Variants in ULK1 observed in about 807,000 individuals in gnomAD.
ULK1 encodes the protein serine/threonine-protein kinase ULK1.
A neutral mutation model predicts 117.5 loss-of-function variants in ULK1; 48 were observed. The observed-to-expected ratio is 0.41, with a 90% CI of 0.32 to 0.52. The LOEUF (loss-of-function observed/expected upper bound fraction) is 0.52, where lower values mean the gene tolerates loss of function less well. ULK1 is among the 20% of genes least tolerant of loss of function. ULK1 has a pLI of 0.29. For synonymous variants in ULK1, 790 were observed against 637.8 expected, an observed-to-expected ratio of 1.24 and a Z score of -3.60; for missense variants, 1,387 against 1,473.4, an observed-to-expected ratio of 0.94 and a Z score of 0.96.
intron 19 of ULK1, 22 bp downstream of exon 19, chr12:131,916,181 G>T: frequency 6.2e-7 from 1 of 1,602,592 alleles, no homozygotes; most frequent in Non-Finnish European, 8.5e-7. Flanking sequence ...TGCCATGTGT[G>T]CAGGGGCACA....
At chr12:131,908,848 C>T (rs759903037) in intron 6 of ULK1, 31 bp downstream of exon 6, 15 of 1,605,708 alleles carry the variant, frequency 9.3e-6, no homozygotes, top group Non-Finnish European at 1.3e-5. Context: ...GCGGGCCCGG[C>T]GGGGAGGGGC....
At chr12:131,904,459 T>C (rs1387513643) in intron 3 of ULK1, among the ~76,000 whole-genome samples, 1 of 152,162 alleles carries the variant, frequency 6.6e-6, no homozygotes, top group African/African-American at 2.4e-5. Context: ...GGCCTTTGCC[T>C]TTCTAGGGGT....
intron 5 of ULK1, among the ~76,000 whole-genome samples, chr12:131,908,071 G>T (rs1889349942): frequency 1.3e-5 from 2 of 152,106 alleles, no homozygotes; most frequent in South Asian, 4.1e-4. Context: ...GACAGTTCCG[G>T]GGACTTGGGC....
Position 131,919,526 on chromosome 12 carries a change from C to T in ULK1, c.2739C>T (p.Gly913=). The T allele has an allele frequency of 2.5e-6, 4 of 1,612,230 alleles. No individual in the cohort carries two copies. The highest frequency in any genetic ancestry group is 3.4e-6 in the Non-Finnish European group (4 of 1,179,620). The part of the protein sequence containing the change: ...YLKVAELLSS[G]LQSAIDQIRA... ...AGGTGGCCGAGCTACTGTCCTCCGG[C>T]CTGCAAAGTGCCATCGACCAGATCC... Residue 913 remains glycine, a synonymous_variant, in exon 25 of 28, where the codon GGC becomes GGT. Coordinates refer to ENST00000321867, the MANE Select transcript of ULK1 (RefSeq NM_003565.4).
rs2136403653 is a variant in ULK1, at chr12:131,916,412, T to C, written c.1893T>C (p.Phe631=). ...LGSPTKAVPS[F]DFPKTPSSQN... ...TGTCCTCCTAGGCTGTGCCCTCCTT[T>C]GACTTCCCGAAGACCCCCAGCTCCC... Residue 631 remains phenylalanine, a synonymous_variant, in exon 20 of 28, where the codon TTT becomes TTC. Coordinates refer to ENST00000321867, the MANE Select transcript of ULK1 (RefSeq NM_003565.4). 6.3e-7 allele frequency: 1 copy of C among 1,587,270 alleles called. No homozygotes were observed. Among genetic ancestry groups the C allele is most frequent in the Non-Finnish European group, 8.6e-7 (1 of 1,166,946 alleles).
chr12:131,914,927 G>A (rs1175635979), intron 16 of ULK1, among the ~76,000 whole-genome samples, 156 bp from the exon 17 acceptor site: 1 of 152,208 alleles, frequency 6.6e-6, no homozygotes, highest in African/African-American at 2.4e-5. Flanking sequence ...TAGAGGATGA[G>A]CCATCTGTCA....
chr12:131,895,568 C>T (rs974553093), intron 1 of ULK1, 33 bp from the exon 2 acceptor site: 4 of 1,589,740 alleles, frequency 2.5e-6, no homozygotes, highest in Admixed American at 1.7e-5. Context: ...CGAGGGGCAG[C>T]CCTGGCCTTG....
chr12:131,908,846 G>A (rs1449655486), intron 6 of ULK1, 29 bp downstream of exon 6: 1 of 1,605,282 alleles, frequency 6.2e-7, no homozygotes, highest in Admixed American at 1.7e-5. Context: ...AGGCGGGCCC[G>A]GCGGGGAGGG....
In ULK1 at chr12:131,910,791, C is replaced by T. The variant is rs762661519; in HGVS notation, c.939C>T (p.Ala313=). The T allele has an allele frequency of 2.5e-6, 4 of 1,612,298 alleles. No individual in the cohort carries two copies. Residue 313 remains alanine, a synonymous_variant, in exon 12 of 28, where the codon GCC becomes GCT. Transcript: ENST00000321867. ...GCAGCAGCTCCACCTCCCACCTGGC[C>T]TCCCCGCCGGTGAGTTGCCGCCCCA... ...SSSSSSTSHL[A]SPPSLGEMQQ... is the part of the protein sequence containing the mutation.
At chr12:131,916,717 A>AGT in intron 20 of ULK1, 126 bp downstream of exon 20, 1 of 1,281,186 alleles carries the variant, frequency 7.8e-7, no homozygotes, top group Middle Eastern at 2.8e-4. Context: ...GTGGGTGCCC[A>AGT]GTGTGGCTGG....
intron 9 of ULK1, 30 bp downstream of exon 9, chr12:131,909,863 C>G (rs762590083): frequency 7.8e-5 from 125 of 1,610,460 alleles, no homozygotes; most frequent in Non-Finnish European, 1.0e-4. Flanking sequence ...CCCTTCCCTT[C>G]CCCCGCGGGC....
intron 11 of ULK1, 150 bp downstream of exon 11, chr12:131,910,454 T>C: frequency 7.3e-7 from 1 of 1,364,332 alleles, no homozygotes. Context: ...GGCTCCTTGC[T>C]CTGCTGCAGC....
chr12:131,917,050 C>G lies in ULK1; in HGVS notation c.2170C>G (p.Pro724Ala). ...PGSTESLQEK[P>A]MEIAPSAGFG... is the part of the protein sequence containing the mutation. ...CAGCACGGAGAGCCTGCAGGAGAAG[C>G]CCATGGAGATCGGTGTGTGGGTGGG... Residue 724 changes from proline (P) to alanine (A), a missense_variant, in exon 21 of 28, where the codon CCC (proline) becomes GCC (alanine). Coordinates refer to ENST00000321867, the MANE Select transcript of ULK1 (RefSeq NM_003565.4). 1 of 1,398,780 alleles carries G rather than the reference C, an allele frequency of 7.1e-7. No individual in the cohort carries two copies. The highest frequency in any genetic ancestry group is 9.6e-7 in the Non-Finnish European group (1 of 1,047,022). 86.6% of individuals were successfully genotyped at this position (1,398,780 alleles called of 1,614,324 possible). A position where few individuals can be genotyped will look rare whatever the true frequency, so the allele number is the denominator to read the frequency against.
intron 22 of ULK1, among the ~76,000 whole-genome samples, chr12:131,917,872 G>T (rs1029529541): frequency 6.6e-6 from 1 of 152,196 alleles, no homozygotes; most frequent in Admixed American, 6.5e-5. Flanking sequence ...GCTGCCGTGG[G>T]CTGTGCTGTG....
At position 131,909,027 on chromosome 12, in the gene ULK1, TG is replaced by T. The variant is rs1022667099; in HGVS notation, c.564+58del. ...TGGGCGCCTCTCTGGGCTTGCTGGT[TG>T]GTTGGCTGGCGTGTGGTGCGCTCTG... On this transcript the variant is annotated intron_variant, in intron 7 of 27. Transcript: ENST00000321867. 1.9e-6 allele frequency: 3 copies of T among 1,611,900 alleles called. No individual in the cohort carries two copies. In the African/African-American group the frequency reaches 4.0e-5, roughly 22 times the overall value.
In ULK1 at chr12:131,915,241, C is replaced by T; in HGVS notation, c.1522+10C>T. ...ACGCCATCTCCTCAAGGTGCGCCTG[C>T]AGGCTGGGGCCTGGGAAGGGGCGTC... On this transcript the variant is annotated intron_variant, in intron 17 of 27. Transcript: ENST00000321867. 1.9e-6 allele frequency: 3 copies of T among 1,603,386 alleles called. 1 individual carries two copies. The highest frequency in any genetic ancestry group is 2.2e-5 in the South Asian group (2 of 89,802).
chr12:131,916,949 A>C lies in ULK1; in HGVS notation c.2073-4A>C, dbSNP rs1012924841. On this transcript the variant is annotated splice_polypyrimidine_tract_variant and splice_region_variant and intron_variant, in intron 20 of 27. Transcript: ENST00000321867. ...ACCCAGCACAGCCCTGCACACTCCCACAGGTCTTTCAGCACCAGCCGCCTC... is the reference window on the plus strand; with the variant it reads ...ACCCAGCACAGCCCTGCACACTCCCCCAGGTCTTTCAGCACCAGCCGCCTC... The C allele has an allele frequency of 1.2e-5, 19 of 1,609,386 alleles. No individual in the cohort carries two copies. Among genetic ancestry groups the C allele is most frequent in the Non-Finnish European group, 1.4e-5 (17 of 1,178,204 alleles).
chr12:131,914,136 T>G (rs1311751772), intron 15 of ULK1, among the ~76,000 whole-genome samples: 3 of 152,182 alleles, frequency 2.0e-5, no homozygotes, highest in Non-Finnish European at 4.4e-5. Flanking sequence ...ACTGGCTGGG[T>G]GCAGACTGGG....
chr12:131,909,689 C>A, intron 8 of ULK1, 86 bp from the exon 9 acceptor site: 1 of 1,369,940 alleles, frequency 7.3e-7, no homozygotes, highest in Non-Finnish European at 9.7e-7. Context: ...GGGGCAGGGG[C>A]CGACTGGGGA....
Sources: allele counts gnomAD v4.1 joint callset (sites outside exome capture counted in the v4.1 genomes callset), GRCh38; gene constraint gnomAD v4.1.1; transcripts MANE v1.5; gene names NCBI Gene and HGNC (gene_info 2026-07-23, HGNC 2026-07-21).